The following LMLN variants were observed in gnomAD, a reference collection of about 807,000 sequenced individuals.
LMLN encodes leishmanolysin like peptidase, also known as leishmanolysin-like peptidase.
LMLN carries 70 observed loss-of-function variants against 92.3 expected under a neutral mutation model. That is an observed-to-expected ratio of 0.76 (90% CI 0.63 to 0.92). The LOEUF (loss-of-function observed/expected upper bound fraction) is 0.92. Among genes scored for constraint, LMLN ranks in the 40% least tolerant of loss-of-function variants. The pLI is 0.00. For missense variants in LMLN, 691 were observed against 814.6 expected (o/e 0.85, Z 1.85); for synonymous variants, 308 against 296.2 (o/e 1.04, Z -0.41).
chr3:198,015,818 A>G (rs1246465928), intron 11 of LMLN, among the ~76,000 whole-genome samples: 1 of 152,206 alleles, frequency 6.6e-6, no homozygotes, highest in East Asian at 1.9e-4. Context: ...AGTTGTACTT[A>G]GAAGGGGGAA....
At chr3:198,038,658 A>G in exon 16 of LMLN, 1 of 1,609,232 alleles carries the variant, frequency 6.2e-7, no homozygotes, top group Non-Finnish European at 8.5e-7. Flanking sequence ...TTCTGTGTAT[A>G]TGGCACTAGG....
At chr3:197,966,615 A>G (rs1377223847) in intron 1 of LMLN, among the ~76,000 whole-genome samples, 1 of 151,868 alleles carries the variant, frequency 6.6e-6, no homozygotes, top group Non-Finnish European at 1.5e-5. Flanking sequence ...AGTTGATACA[A>G]TCATGTGGCT....
intron 9 of LMLN, among the ~76,000 whole-genome samples, chr3:197,992,089 CAAA>C (rs869163432): frequency 1.7e-4 from 11 of 65,620 alleles, no homozygotes; most frequent in Non-Finnish European, 2.3e-4. Context: ...GACCCTGTCT[CAAA>C]AAAAAAAAAA....
intron 10 of LMLN, among the ~76,000 whole-genome samples, chr3:197,996,810 C>T (rs1722031775): frequency 6.6e-6 from 1 of 152,122 alleles, no homozygotes. Flanking sequence ...ACTGTGTCAT[C>T]CAGGCTGGAG....
intron 3 of LMLN, among the ~76,000 whole-genome samples, chr3:197,975,729 A>G (rs1429259321): frequency 2.6e-5 from 4 of 152,220 alleles, no homozygotes; most frequent in African/African-American, 4.8e-5. Context: ...GGAAATTAAT[A>G]TTTAATTAAA....
intron 11 of LMLN, among the ~76,000 whole-genome samples, chr3:198,011,041 G>C (rs1043181617): frequency 6.6e-6 from 1 of 152,090 alleles, no homozygotes; most frequent in Non-Finnish European, 1.5e-5. Context: ...GAGAATATAT[G>C]CTGTATGATT....
At chr3:197,964,705 T>C (rs148934227) in intron 1 of LMLN, among the ~76,000 whole-genome samples, 10 of 150,984 alleles carry the variant, frequency 6.6e-5, no homozygotes, top group African/African-American at 2.4e-4. Flanking sequence ...CCTAAAAAAG[T>C]TTTTTAAGAG....
At chr3:198,038,436 T>G in intron 15 of LMLN, 131 bp from the exon 17 acceptor site, 1 of 677,652 alleles carries the variant, frequency 1.5e-6, no homozygotes, top group East Asian at 2.5e-5. Context: ...TGGGTTTTGC[T>G]CTTGATTTAG....
chr3:198,029,300 C>T (rs987570184), intron 14 of LMLN, among the ~76,000 whole-genome samples: 1 of 152,194 alleles, frequency 6.6e-6, no homozygotes, highest in Non-Finnish European at 1.5e-5. Flanking sequence ...TCCATGACCA[C>T]GTTGATCCTT....
chr3:197,977,507 C>T (rs1180212663), intron 5 of LMLN, among the ~76,000 whole-genome samples: 21 of 151,078 alleles, frequency 1.4e-4, no homozygotes, highest in Non-Finnish European at 2.9e-5. Context: ...AATGATCAAA[C>T]AATCTGGAAG....
chr3:197,963,162 ATAGATCT>A (rs1560130416), intron 1 of LMLN, among the ~76,000 whole-genome samples: 14 of 151,780 alleles, frequency 9.2e-5, no homozygotes, highest in Non-Finnish European at 1.3e-4. Context: ...GCAAAAATGT[ATAGATCT>A]TGCATTTTTT....
intron 11 of LMLN, among the ~76,000 whole-genome samples, chr3:198,006,279 C>T (rs1581162829): frequency 6.6e-6 from 1 of 152,098 alleles, no homozygotes; most frequent in African/African-American, 2.4e-5. Flanking sequence ...GGTTAATATT[C>T]CGCAGTATGA....
At chr3:198,012,275 G>T (rs921020182) in intron 11 of LMLN, among the ~76,000 whole-genome samples, 1 of 152,150 alleles carries the variant, frequency 6.6e-6, no homozygotes, top group African/African-American at 2.4e-5. Flanking sequence ...CTGTTGACCA[G>T]GCTGGTCTTG....
chr3:197,985,892 T>C lies in LMLN; in HGVS notation c.929+2T>C. On this transcript the variant is annotated splice_donor_variant, in intron 8 of 15. Transcript: ENST00000330198. LOFTEE classifies it high-confidence loss of function. ...TGGCCTCCCACCTTTTAATTATAGG[T>C]ATTTTTGTTGTTGTTGCTCTTGTTC... is the stretch of plus-strand genomic sequence containing the variant. The C allele has an allele frequency of 6.3e-7, 1 of 1,579,330 alleles. No individual in the cohort carries two copies. The highest frequency in any genetic ancestry group is 8.7e-7 in the Non-Finnish European group (1 of 1,149,074).
At chr3:198,006,561 G>A (rs568715296) in intron 11 of LMLN, among the ~76,000 whole-genome samples, 5 of 152,264 alleles carry the variant, frequency 3.3e-5, no homozygotes, top group East Asian at 1.9e-4. Flanking sequence ...AGCATTTGGC[G>A]TTGTCACAAT....
At chr3:197,972,309 C>A (rs1036482761) in intron 1 of LMLN, among the ~76,000 whole-genome samples, 1 of 152,126 alleles carries the variant, frequency 6.6e-6, no homozygotes, top group South Asian at 2.1e-4. Flanking sequence ...AGTGATCCAC[C>A]CACCTCAGCC....
chr3:198,012,006 A>G (rs965195182), intron 11 of LMLN, among the ~76,000 whole-genome samples: 16 of 152,220 alleles, frequency 1.1e-4, no homozygotes, highest in African/African-American at 3.9e-4. Context: ...GAGAATCTAC[A>G]ATGAACTCAA....
Position 197,972,479 on chromosome 3 carries a change from A to G in LMLN, c.220-1898A>G, listed in dbSNP as rs981086491. On this transcript the variant is annotated intron_variant, in intron 1 of 15. Transcript: ENST00000330198. ...TCTGAGGTTCACTATCTGCTTACTCATTATGTGTATGTTTTCTTTTAAGTT... is the reference window on the plus strand; with the variant it reads ...TCTGAGGTTCACTATCTGCTTACTCGTTATGTGTATGTTTTCTTTTAAGTT... Among the ~76,000 whole-genome samples the G allele has an allele frequency of 2.6e-5, 4 of 152,152 alleles. No individual in the cohort carries two copies. The East Asian group carries it at 7.7e-4, about 29-fold the overall frequency.
chr3:197,969,725 T>C (rs1721170247), intron 1 of LMLN, among the ~76,000 whole-genome samples: 1 of 152,252 alleles, frequency 6.6e-6, no homozygotes, highest in South Asian at 2.1e-4. Flanking sequence ...AGTGTACTTA[T>C]GGTATCTATT....
Sources: allele counts gnomAD v4.1 joint callset (sites outside exome capture counted in the v4.1 genomes callset), GRCh38; gene constraint gnomAD v4.1.1; transcripts MANE v1.5; gene names NCBI Gene and HGNC (gene_info 2026-07-23, HGNC 2026-07-21).